Variants in SNRK observed in about 807,000 individuals in gnomAD.
SNRK encodes SNF-related serine/threonine-protein kinase.
In SNRK, 3 loss-of-function variants were observed where a neutral mutation model predicts 48.2. The observed-to-expected ratio is 0.06, with a 90% CI of 0.03 to 0.16. The LOEUF (loss-of-function observed/expected upper bound fraction) is 0.16, where lower values mean the gene tolerates loss of function less well. Among genes scored for constraint, SNRK ranks in the 10% least tolerant of loss-of-function variants. The pLI, the probability that SNRK is intolerant of heterozygous loss-of-function variation, is 1.00. For missense variants in SNRK, 627 were observed against 976.0 expected (o/e 0.64, Z 4.76); for synonymous variants, 376 against 366.1 (o/e 1.03, Z -0.31).
chr3:43,341,774 A>G (rs969068265), intron 5 of SNRK, among the ~76,000 whole-genome samples: 2 of 152,212 alleles, frequency 1.3e-5, no homozygotes, highest in African/African-American at 4.8e-5. Flanking sequence ...CGTGCCACAC[A>G]CATGCCCACT....
Position 43,343,324 on chromosome 3 carries a change from T to C in SNRK, c.945-20T>C, listed in dbSNP as rs772560325. On this transcript the variant is annotated intron_variant, in intron 5 of 6. Transcript: ENST00000296088. ...ACCTCCTGATATGGCTGACGTTTGC[T>C]CTCACCTTGTTTTCCTCAGAGCCCT... The C allele has an allele frequency of 2.5e-6, 4 of 1,585,968 alleles. No individual in the cohort carries two copies. Among genetic ancestry groups the C allele is most frequent in the African/African-American group, 1.4e-5 (1 of 73,150 alleles).
At chr3:43,317,521 G>T (rs1292921809) in intron 3 of SNRK, among the ~76,000 whole-genome samples, 3 of 152,162 alleles carry the variant, frequency 2.0e-5, no homozygotes, top group Non-Finnish European at 2.9e-5. Flanking sequence ...ACTATTTAGA[G>T]ACCTTCCATT....
intron 6 of SNRK, among the ~76,000 whole-genome samples, chr3:43,344,086 G>A (rs1016022433): frequency 1.3e-5 from 2 of 152,100 alleles, no homozygotes; most frequent in Non-Finnish European, 2.9e-5. Flanking sequence ...ATTAATATAT[G>A]TAAAGCACTT....
chr3:43,303,347 C>A lies in SNRK; in HGVS notation c.144C>A (p.Asp48Glu). The A allele has an allele frequency of 6.2e-7, 1 of 1,614,094 alleles. No homozygotes were observed. The highest frequency in any genetic ancestry group is 8.5e-7 in the Non-Finnish European group (1 of 1,180,012). The part of the protein sequence containing the change: ...TGEKVAVKVI[D>E]KTKLDTLATG... ...AAAAGGTGGCAGTAAAAGTTATTGA[C>A]AAGACAAAACTGGACACTCTAGCTA... Residue 48 changes from aspartate to glutamate, a missense_variant, in exon 3 of 7, where the codon GAC becomes GAA. Asp to Glu is a conservative substitution (Grantham distance 45, BLOSUM62 2). Around this residue, in one of 4 missense-constraint regions of SNRK, gnomAD observed 147 missense variants for 356.8 expected, o/e 0.41. Transcript: ENST00000296088. This position sits in a 1 kb window ranked among gnomAD's most constrained non-coding sequence, Gnocchi z 6.2.
chr3:43,342,958 G>A (rs1182799344), intron 5 of SNRK, among the ~76,000 whole-genome samples: 6 of 152,182 alleles, frequency 3.9e-5, no homozygotes, highest in Non-Finnish European at 8.8e-5. Context: ...CACAGACTTC[G>A]TCTTCATGTA....
chr3:43,309,612 G>GTTTTTTTT (rs35398476), intron 3 of SNRK, among the ~76,000 whole-genome samples: 4 of 143,194 alleles, frequency 2.8e-5, no homozygotes, highest in Non-Finnish European at 6.1e-5. Flanking sequence ...TAGAAATAAG[G>GTTTTTTTT]TTTTTTTTTT....
Position 43,347,519 on chromosome 3 carries a change from T to C in SNRK, c.1260T>C (p.Ala420=). The change falls in exon 7 of 7, where the codon GCT becomes GCC. Residue 420 remains alanine (A), a synonymous_variant. Coordinates refer to ENST00000296088, the MANE Select transcript of SNRK (RefSeq NM_017719.5). This position sits in a 1 kb window ranked among gnomAD's most constrained non-coding sequence, Gnocchi z 5.4. ...SAKKDDLPEL[A]GPALSTVPPA... is the part of the protein sequence containing the mutation. ...AGAAAGATGACCTCCCTGAGTTGGC[T>C]GGACCAGCACTCTCTACGGTGCCAC... The C allele has an allele frequency of 6.2e-7, 1 of 1,613,642 alleles. No homozygotes were observed. Among genetic ancestry groups the C allele is most frequent in the East Asian group, 2.2e-5 (1 of 44,870 alleles).
chr3:43,348,000 G>A lies in SNRK; in HGVS notation c.1741G>A (p.Gly581Arg), dbSNP rs753471554. ...EGPPGSEGDG[G>R]GQSKPSNASG... ...GCCCCCTGGCAGTGAGGGGGATGGC[G>A]GGGGCCAGAGCAAGCCAAGCAATGC... The change falls in exon 7 of 7, where the codon GGG becomes AGG. Residue 581 changes from glycine to arginine, a missense_variant. Coordinates refer to ENST00000296088, the MANE Select transcript of SNRK (RefSeq NM_017719.5). The surrounding 1 kb of genome is among the most constrained non-coding windows in gnomAD (Gnocchi z 5.4). 1.5e-5 allele frequency: 24 copies of A among 1,613,178 alleles called. No homozygotes were observed. The highest frequency in any genetic ancestry group is 2.0e-5 in the Non-Finnish European group (24 of 1,179,604).
intron 1 of SNRK, among the ~76,000 whole-genome samples, chr3:43,296,436 A>ATATATG (rs900735290): frequency 3.4e-5 from 5 of 145,444 alleles, no homozygotes; most frequent in Admixed American, 6.8e-5. Context: ...ATATATATGT[A>ATATATG]TATATATATA....
At chr3:43,310,387 T>C (rs2125624962) in intron 3 of SNRK, among the ~76,000 whole-genome samples, 1 of 152,314 alleles carries the variant, frequency 6.6e-6, no homozygotes, top group African/African-American at 2.4e-5. Flanking sequence ...TCAGACAGTA[T>C]CTACATTATT....
chr3:43,313,233 G>A (rs2090991507), intron 3 of SNRK, among the ~76,000 whole-genome samples: 1 of 152,148 alleles, frequency 6.6e-6, no homozygotes, highest in Non-Finnish European at 1.5e-5. Flanking sequence ...CCAGAGAAAT[G>A]AATACCTGTA....
intron 3 of SNRK, among the ~76,000 whole-genome samples, chr3:43,330,766 A>G (rs1284713281): frequency 6.6e-6 from 1 of 152,202 alleles, no homozygotes; most frequent in Non-Finnish European, 1.5e-5. Flanking sequence ...TCAAAAAGCA[A>G]TGTCAGACCT....
intron 3 of SNRK, among the ~76,000 whole-genome samples, chr3:43,325,501 A>C (rs1250323229): frequency 6.6e-6 from 1 of 152,186 alleles, no homozygotes; most frequent in Non-Finnish European, 1.5e-5. Flanking sequence ...TTAAGAAAAC[A>C]TCAAAATACT....
chr3:43,291,379 G>C (rs1408305324), intron 1 of SNRK, among the ~76,000 whole-genome samples: 1 of 152,180 alleles, frequency 6.6e-6, no homozygotes, highest in Admixed American at 6.5e-5. Flanking sequence ...TGAATAAGTT[G>C]AGACAGAGAC....
intron 1 of SNRK, among the ~76,000 whole-genome samples, chr3:43,296,422 A>ATATATATATG (rs2090854723): frequency 7.6e-6 from 1 of 132,256 alleles, no homozygotes; most frequent in Admixed American, 7.2e-5. Flanking sequence ...TGGCATATAT[A>ATATATATATG]TATATATATA....
In SNRK at chr3:43,348,182, G is replaced by A. The variant is rs1222656899; in HGVS notation, c.1923G>A (p.Gly641=). ...NSMQLASRSA[G]ELVESLKLMS... is the part of the protein sequence containing the mutation. The stretch of plus-strand genomic sequence containing the variant: ...TGCAGCTGGCCTCTCGCAGTGCTGG[G>A]GAGCTCGTTGAGAGCCTCAAACTCA... Residue 641 remains glycine (G), a synonymous_variant, in exon 7 of 7, where the codon GGG becomes GGA. Coordinates refer to ENST00000296088, the MANE Select transcript of SNRK (RefSeq NM_017719.5). 6.3e-7 allele frequency: 1 copy of A among 1,598,550 alleles called. No homozygotes were observed.
In SNRK at chr3:43,350,809, G is replaced by C. The variant is rs907580274; in HGVS notation, c.*2252G>C. On this transcript the variant is annotated 3_prime_UTR_variant, in exon 7 of 7. Transcript: ENST00000296088. ...TCTTCAAAAGTTGCATATAGTTACA[G>C]TAGTGTATAAATTAAATATTGTGGA... The C allele has an allele frequency of 1.3e-5, 2 of 152,576 alleles. No homozygotes were observed. The highest frequency in any genetic ancestry group is 2.9e-5 in the Non-Finnish European group (2 of 68,036). The allele number at this position is 152,576 out of a possible 1,614,324, so 9.5% of individuals were successfully genotyped here.
chr3:43,292,310 C>A (rs1260608366), intron 1 of SNRK, among the ~76,000 whole-genome samples: 2 of 152,156 alleles, frequency 1.3e-5, no homozygotes, highest in African/African-American at 4.8e-5. Flanking sequence ...TGTTTGAATT[C>A]TCTAATAAGC....
At chr3:43,335,468 T>C (rs1026871044) in intron 4 of SNRK, among the ~76,000 whole-genome samples, 9 of 152,218 alleles carry the variant, frequency 5.9e-5, no homozygotes, top group Admixed American at 6.5e-5. Context: ...TTTTTGTTTT[T>C]TTGTTTTTTC....
Sources: allele counts gnomAD v4.1 joint callset (sites outside exome capture counted in the v4.1 genomes callset), GRCh38; gene constraint gnomAD v4.1.1; regional missense constraint gnomAD v4.1.1; non-coding constraint Gnocchi (gnomAD v3.1); transcripts MANE v1.5; gene names NCBI Gene and HGNC (gene_info 2026-07-23, HGNC 2026-07-21).